Variants in IGF2R observed in about 807,000 individuals in gnomAD.
IGF2R encodes insulin like growth factor 2 receptor.
IGF2R carries 91 observed loss-of-function variants against 270.6 expected under a neutral mutation model. That is an observed-to-expected ratio of 0.34 (90% CI 0.28 to 0.40). The LOEUF is 0.40. Ranked by LOEUF, IGF2R falls within the 10% of genes least tolerant of loss-of-function variation. The pLI is 1.00. For missense variants in IGF2R, 2,805 were observed against 3,188.3 expected (o/e 0.88, Z 2.90); for synonymous variants, 1,316 against 1,258.9 (o/e 1.05, Z -0.96).
chr6:160,059,159 C>A, intron 22 of IGF2R, 61 bp downstream of exon 22: 1 of 1,405,508 alleles, frequency 7.1e-7, no homozygotes, highest in Non-Finnish European at 9.9e-7. Flanking sequence ...TGTGGCTGGC[C>A]ATGCACCTTC....
chr6:160,058,819 G>T, intron 21 of IGF2R, 87 bp from the exon 22 acceptor site: 1 of 1,154,034 alleles, frequency 8.7e-7, no homozygotes, highest in Non-Finnish European at 1.3e-6. Context: ...GTTTAACCTA[G>T]TGGGATTTGG....
At chr6:160,073,650 T>C in intron 34 of IGF2R, 107 bp from the exon 35 acceptor site, 1 of 1,145,676 alleles carries the variant, frequency 8.7e-7, no homozygotes, top group Non-Finnish European at 1.3e-6. Context: ...TTGACACCTT[T>C]CTACTTTTTT....
intron 7 of IGF2R, among the ~76,000 whole-genome samples, chr6:160,032,190 G>A (rs932670080): frequency 3.3e-5 from 5 of 152,180 alleles, no homozygotes; most frequent in African/African-American, 7.2e-5. Flanking sequence ...GCCTGTTAGC[G>A]CTTGCCGATG....
chr6:159,992,120 G>T (rs546570277), intron 2 of IGF2R, among the ~76,000 whole-genome samples: 1 of 152,322 alleles, frequency 6.6e-6, no homozygotes, highest in South Asian at 2.1e-4. Context: ...CATAGAGATG[G>T]TATATGACTA....
chr6:160,056,445 C>G lies in IGF2R; in HGVS notation c.2716C>G (p.Leu906Val), dbSNP rs376558845. 42 of 1,613,792 alleles carry G rather than the reference C, an allele frequency of 2.6e-5. No homozygotes were observed. The highest frequency in any genetic ancestry group is 3.3e-5 in the Non-Finnish European group (39 of 1,179,778). The change falls in exon 20 of 48, where the codon CTC (leucine) becomes GTC (valine). Residue 906 changes from leucine (L) to valine (V), a missense_variant. By Grantham distance (32) the Leu-to-Val change is conservative. Coordinates refer to ENST00000356956, the MANE Select transcript of IGF2R (RefSeq NM_000876.4). The part of the protein sequence containing the change: ...GRLNSHPIFS[L>V]NWECVVSFLW... ...TCAGAACAGCCACCCCATCTTTTCTCTCAACTGGGAGTGTGTGGTCAGTTT... is the reference window on the plus strand; with the variant it reads ...TCAGAACAGCCACCCCATCTTTTCTGTCAACTGGGAGTGTGTGGTCAGTTT...
chr6:159,981,152 G>A (rs2115173694), intron 1 of IGF2R, among the ~76,000 whole-genome samples: 1 of 152,360 alleles, frequency 6.6e-6, no homozygotes, highest in Non-Finnish European at 1.5e-5. Flanking sequence ...TCTGCTGGAA[G>A]CTCTGGACTC....
chr6:159,969,954 A>ATC, intron 1 of IGF2R, among the ~76,000 whole-genome samples: 1 of 150,632 alleles, frequency 6.6e-6, no homozygotes, highest in East Asian at 1.9e-4. Context: ...ATATATATAT[A>ATC]TATTTTTAGC....
Position 160,089,107 on chromosome 6 carries a change from G to C in IGF2R, c.6321G>C (p.Arg2107Ser), listed in dbSNP as rs755799799. 1.6e-5 allele frequency: 26 copies of C among 1,612,162 alleles called. 1 individual carries two copies. The South Asian group carries it at 2.5e-4, about 16-fold the overall frequency. Residue 2107 changes from arginine to serine, a missense_variant and splice_region_variant, in exon 43 of 48, where the codon AGG becomes AGC. Arg to Ser is a moderately radical substitution (Grantham distance 110, BLOSUM62 -1). This residue lies in a region of IGF2R where 1,851 missense variants were observed against 2,207.2 expected (regional missense o/e 0.84). Coordinates refer to ENST00000356956, the MANE Select transcript of IGF2R (RefSeq NM_000876.4). ...GTAGCCTGTGCTTCCCTCCTCCTAG[G>C]TTTGATATCGACAGCTGCACTTACT... Reference protein sequence around the residue: ...TKTVGRPAFKRFDIDSCTYYF... With the variant: ...TKTVGRPAFKSFDIDSCTYYF...
In IGF2R at chr6:160,045,619, C is replaced by A. The variant is rs1262927153; in HGVS notation, c.1766-126C>A. On this transcript the variant is annotated intron_variant, in intron 13 of 47. Transcript: ENST00000356956. ...CAGTATTTGTAGGGCTGTTTTTTGA[C>A]CCTTCTATGCATTATACCTCATTTC... 2.6e-6 allele frequency: 3 copies of A among 1,140,982 alleles called. No homozygotes were observed. The East Asian group carries it at 7.1e-5, about 27-fold the overall frequency. The allele number at this position is 1,140,982 out of a possible 1,614,324, so 70.7% of individuals were successfully genotyped here.
intron 22 of IGF2R, 95 bp from the exon 23 acceptor site, chr6:160,060,452 C>T: frequency 2.4e-6 from 3 of 1,230,618 alleles, no homozygotes; most frequent in African/African-American, 3.0e-5. Context: ...AAGCTTGTTG[C>T]CAGTGGCAGC....
intron 4 of IGF2R, among the ~76,000 whole-genome samples, chr6:160,019,417 CT>C (rs1436470848): frequency 1.3e-5 from 2 of 152,144 alleles, no homozygotes; most frequent in Non-Finnish European, 2.9e-5. Context: ...ACAAATCCTA[CT>C]GAAACTGTTA....
At chr6:159,985,044 G>T (rs965575918) in intron 1 of IGF2R, among the ~76,000 whole-genome samples, 2 of 152,166 alleles carry the variant, frequency 1.3e-5, no homozygotes, top group Admixed American at 6.5e-5. Context: ...ATTACAAGGT[G>T]CTGCGAAGGG....
At position 160,107,888 on chromosome 6, in the gene IGF2R, A is replaced by G. The variant is rs1282180469; in HGVS notation, c.*2804A>G. 2.6e-5 allele frequency: 4 copies of G among 152,234 alleles called. No individual in the cohort carries two copies. The East Asian group carries it at 5.8e-4, about 22-fold the overall frequency. 9.4% of individuals were successfully genotyped at this position (152,234 alleles called of 1,614,324 possible). A position where few individuals can be genotyped will look rare whatever the true frequency, so the allele number is the denominator to read the frequency against. ...ACTCTTTTTCCCTGAATCATTTGAG[A>G]TGAAGTTTCTTCCCATCACCAGGCA... On this transcript the variant is annotated 3_prime_UTR_variant, in exon 48 of 48. Transcript: ENST00000356956.
chr6:160,020,023 G>A (rs1305015355), intron 4 of IGF2R, among the ~76,000 whole-genome samples: 3 of 152,152 alleles, frequency 2.0e-5, no homozygotes, highest in African/African-American at 7.2e-5. Context: ...ACGTGTCTCT[G>A]TGTGCTGATG....
chr6:160,039,938 G>A (rs1425536693), intron 10 of IGF2R, among the ~76,000 whole-genome samples: 1 of 152,188 alleles, frequency 6.6e-6, no homozygotes, highest in African/African-American at 2.4e-5. Flanking sequence ...TGAGGAGGGT[G>A]TTACAGACAG....
rs186132856 is a variant in IGF2R at position 160,081,637 on chromosome 6, G to A, written c.5833+1362G>A. ...CCAGGGCGTGTTTCATCCCTTATCT[G>A]CAACTGCATAAGGCAGACACCCCTA... is the stretch of plus-strand genomic sequence containing the variant. On this transcript the variant is annotated intron_variant, in intron 39 of 47. Transcript: ENST00000356956. Among the ~76,000 whole-genome samples, 353 of 152,314 alleles carry A rather than the reference G, an allele frequency of 2.3e-3. 2 individuals carry two copies. Among genetic ancestry groups the A allele is most frequent in the Middle Eastern group, 0.01 (3 of 294 alleles).
At chr6:160,055,762 C>T (rs892176314) in intron 19 of IGF2R, among the ~76,000 whole-genome samples, 2 of 152,134 alleles carry the variant, frequency 1.3e-5, no homozygotes, top group Non-Finnish European at 2.9e-5. Context: ...GAAATACTAA[C>T]AAAACTCATA....
At chr6:159,989,879 C>A (rs373314673) in intron 1 of IGF2R, among the ~76,000 whole-genome samples, 1 of 152,242 alleles carries the variant, frequency 6.6e-6, no homozygotes, top group African/African-American at 2.4e-5. Context: ...TAATTGTTTT[C>A]ACAGAACCGG....
intron 2 of IGF2R, among the ~76,000 whole-genome samples, chr6:159,996,185 C>T (rs1433625674): frequency 6.6e-6 from 1 of 152,140 alleles, no homozygotes. Context: ...TCCTCACCGT[C>T]TCCCGCGGGG....
Sources: allele counts gnomAD v4.1 joint callset (sites outside exome capture counted in the v4.1 genomes callset), GRCh38; gene constraint gnomAD v4.1.1; regional missense constraint gnomAD v4.1.1; transcripts MANE v1.5; gene names NCBI Gene and HGNC (gene_info 2026-07-23, HGNC 2026-07-21).